Variants in MYO1B observed in about 807,000 individuals in gnomAD.
MYO1B encodes unconventional myosin-Ib.
MYO1B carries 72 observed loss-of-function variants against 159.7 expected under a neutral mutation model. The ratio of observed to expected loss-of-function variants is 0.45; its 90% confidence interval spans 0.37 to 0.55. The LOEUF is 0.55. Among genes scored for constraint, MYO1B ranks in the 20% least tolerant of loss-of-function variants. The pLI, the probability that MYO1B is intolerant of heterozygous loss-of-function variation, is 0.00. For synonymous variants in MYO1B, 468 were observed against 473.8 expected, an observed-to-expected ratio of 0.99 and a Z score of 0.16; for missense variants, 1,062 against 1,364.8, an observed-to-expected ratio of 0.78 and a Z score of 3.50.
chr2:191,290,682 A>G (rs1465692501), intron 2 of MYO1B, among the ~76,000 whole-genome samples: 1 of 152,220 alleles, frequency 6.6e-6, no homozygotes, highest in African/African-American at 2.4e-5. Context: ...GTTGTAATCA[A>G]ACATTTCAAA....
At chr2:191,335,510 G>C (rs571506208) in intron 4 of MYO1B, among the ~76,000 whole-genome samples, 44 of 152,254 alleles carry the variant, frequency 2.9e-4, no homozygotes, top group African/African-American at 9.9e-4. Context: ...AATTTGGAGT[G>C]GGGGTTTCAT....
chr2:191,323,064 T>A (rs565982674), intron 3 of MYO1B, among the ~76,000 whole-genome samples: 1 of 152,294 alleles, frequency 6.6e-6, no homozygotes, highest in South Asian at 2.1e-4. Context: ...TTAGGCCATG[T>A]AGGGTAACTT....
intron 3 of MYO1B, among the ~76,000 whole-genome samples, chr2:191,314,485 CT>C (rs1690220940): frequency 6.6e-6 from 1 of 152,158 alleles, no homozygotes; most frequent in East Asian, 1.9e-4. Context: ...ACCAATATGT[CT>C]GTTGGAATTA....
intron 3 of MYO1B, 69 bp downstream of exon 3, chr2:191,296,295 G>T: frequency 2.3e-5 from 17 of 737,794 alleles, no homozygotes; most frequent in South Asian, 4.1e-5. Context: ...GATGTGTGCA[G>T]CTGTCTCCTT....
rs1693822192 is a variant in MYO1B at position 191,363,702 on chromosome 2, A to C, written c.766-26A>C. ...AAGAAAATAACTATAAGAAAAAAAT[A>C]GTTGCTTTTTTTTTTCTCTCCCCAG... On this transcript the variant is annotated intron_variant, in intron 9 of 30. Transcript: ENST00000392318. The C allele has an allele frequency of 3.8e-6, 6 of 1,570,276 alleles. No homozygotes were observed. The Admixed American group carries it at 1.3e-4, about 34-fold the overall frequency.
intron 4 of MYO1B, among the ~76,000 whole-genome samples, chr2:191,337,622 AGATTC>A (rs1691940815): frequency 6.6e-6 from 1 of 152,168 alleles, no homozygotes; most frequent in Admixed American, 6.5e-5. Flanking sequence ...ATGAATTTTA[AGATTC>A]AAGTTACATT....
At chr2:191,400,649 G>T in intron 22 of MYO1B, 100 bp from the exon 23 acceptor site, 1 of 1,404,754 alleles carries the variant, frequency 7.1e-7, no homozygotes, top group Non-Finnish European at 9.9e-7. Context: ...TTTACCATTT[G>T]GTGGTGACTA....
chr2:191,363,997 C>A, intron 10 of MYO1B, 122 bp downstream of exon 10: 1 of 1,327,498 alleles, frequency 7.5e-7, no homozygotes, highest in Non-Finnish European at 1.1e-6. Context: ...TCTAATGAAA[C>A]TGAGCAGAAA....
At chr2:191,296,264 T>C (rs1368160781) in intron 3 of MYO1B, 38 bp downstream of exon 3, 5 of 1,247,430 alleles carry the variant, frequency 4.0e-6, no homozygotes, top group Admixed American at 3.9e-5. Flanking sequence ...TCTCTTTTAC[T>C]CCAGAGATGT....
intron 2 of MYO1B, among the ~76,000 whole-genome samples, chr2:191,285,619 A>G (rs1688319463): frequency 6.6e-6 from 1 of 152,214 alleles, no homozygotes. Flanking sequence ...GCTGAGGGTG[A>G]TGAAGTCGAG....
At chr2:191,395,794 A>G (rs888223819) in intron 20 of MYO1B, among the ~76,000 whole-genome samples, 8 of 152,230 alleles carry the variant, frequency 5.3e-5, no homozygotes, top group African/African-American at 1.7e-4. Flanking sequence ...CTCCCAGGGT[A>G]CTGTTTATCC....
At chr2:191,392,049 G>C in intron 18 of MYO1B, 59 bp from the exon 19 acceptor site, 1 of 1,268,110 alleles carries the variant, frequency 7.9e-7, no homozygotes, top group South Asian at 1.4e-5. Context: ...TACCATGATA[G>C]AAGATAAAAC....
At chr2:191,339,115 T>C (rs2125943011) in intron 4 of MYO1B, among the ~76,000 whole-genome samples, 1 of 152,192 alleles carries the variant, frequency 6.6e-6, no homozygotes, top group East Asian at 1.9e-4. Context: ...AAGGCCAGAC[T>C]ACAGAGTTGG....
intron 15 of MYO1B, among the ~76,000 whole-genome samples, chr2:191,383,543 C>CACACAT (rs10534074): frequency 1.8e-5 from 2 of 108,750 alleles, no homozygotes; most frequent in African/African-American, 6.2e-5. Context: ...CACACACACA[C>CACACAT]ACACATATAT....
At chr2:191,328,877 A>G (rs1691279267) in intron 3 of MYO1B, among the ~76,000 whole-genome samples, 1 of 151,604 alleles carries the variant, frequency 6.6e-6, no homozygotes. Flanking sequence ...TCCATTCTCC[A>G]CCCCTTTGAG....
chr2:191,278,680 C>T (rs546607383), intron 2 of MYO1B, among the ~76,000 whole-genome samples: 1 of 152,342 alleles, frequency 6.6e-6, no homozygotes, highest in Non-Finnish European at 1.5e-5. Context: ...AGGTATAAAA[C>T]ACTGCTGCAG....
At chr2:191,313,192 CTTTTTTTTTTTTTTTTTTTTTTTT>C (rs762175060) in intron 3 of MYO1B, among the ~76,000 whole-genome samples, 1 of 42,992 alleles carries the variant, frequency 2.3e-5, no homozygotes, top group African/African-American at 1.1e-4. Flanking sequence ...GCACACATGG[CTTTTTTTTTTTTTTTTTTTTTTTT>C]TTTTTTTTTT....
chr2:191,416,816 A>G (rs1289603257), intron 30 of MYO1B, among the ~76,000 whole-genome samples: 2 of 148,062 alleles, frequency 1.4e-5, no homozygotes, highest in African/African-American at 2.5e-5. Context: ...TCCGTCTCAG[A>G]AAAAAAAAAA....
intron 30 of MYO1B, among the ~76,000 whole-genome samples, chr2:191,419,892 A>C (rs549503255): frequency 6.6e-6 from 1 of 152,354 alleles, no homozygotes; most frequent in South Asian, 2.1e-4. Context: ...TTTTAAGCTA[A>C]GTGTTATTAC....
Sources: allele counts gnomAD v4.1 joint callset (sites outside exome capture counted in the v4.1 genomes callset), GRCh38; gene constraint gnomAD v4.1.1; transcripts MANE v1.5; gene names NCBI Gene and HGNC (gene_info 2026-07-23, HGNC 2026-07-21).